Variants in PHF20 observed in about 807,000 individuals in gnomAD.
PHF20 encodes the protein PHD finger protein 20, also known as glioma-expressed antigen 2.
A neutral mutation model predicts 113.5 loss-of-function variants in PHF20; 23 were observed. The observed-to-expected ratio is 0.20, with a 90% CI of 0.15 to 0.29. PHF20 has a LOEUF of 0.29. PHF20 is among the 10% of genes least tolerant of loss of function. The pLI is 1.00. For synonymous variants in PHF20, 434 were observed against 457.3 expected, an observed-to-expected ratio of 0.95 and a Z score of 0.65; for missense variants, 943 against 1,219.6, an observed-to-expected ratio of 0.77 and a Z score of 3.38.
chr20:35,847,453 A>C lies in PHF20; in HGVS notation c.340+19A>C. 2 of 1,548,086 alleles carry C rather than the reference A, an allele frequency of 1.3e-6. No individual in the cohort carries two copies. Among genetic ancestry groups the C allele is most frequent in the Non-Finnish European group, 1.8e-6 (2 of 1,122,490 alleles). ...AAGGATGGTAAGGCATTTGAGTTGT[A>C]GTTGTTTTTACTCATGACTTAGGTG... On this transcript the variant is annotated intron_variant, in intron 4 of 17. Coordinates refer to ENST00000374012, the MANE Select transcript of PHF20 (RefSeq NM_016436.5).
chr20:35,893,900 G>A (rs1056369699), intron 9 of PHF20, among the ~76,000 whole-genome samples: 8 of 152,354 alleles, frequency 5.3e-5, no homozygotes, highest in African/African-American at 1.7e-4. Flanking sequence ...ACAGGCATGA[G>A]CCACTGTGCC....
At chr20:35,908,398 T>C (rs1419798464) in intron 10 of PHF20, among the ~76,000 whole-genome samples, 1 of 152,212 alleles carries the variant, frequency 6.6e-6, no homozygotes, top group African/African-American at 2.4e-5. Flanking sequence ...TGCCCTAGCA[T>C]TGGGCAGTTT....
intron 2 of PHF20, among the ~76,000 whole-genome samples, chr20:35,842,127 C>T (rs567023808): frequency 2.0e-4 from 30 of 152,214 alleles, no homozygotes; most frequent in African/African-American, 5.5e-4. Flanking sequence ...GGGCAGATCA[C>T]CTAAGGTCGG....
chr20:35,870,907 TTTC>T (rs1296709973), intron 7 of PHF20, 45 bp from the exon 8 acceptor site: 4 of 1,414,034 alleles, frequency 2.8e-6, no homozygotes, highest in Non-Finnish European at 9.6e-7. Context: ...AGCACAGTTA[TTTC>T]TTCTTGTTGG....
chr20:35,847,246 C>A, intron 3 of PHF20, 104 bp from the exon 4 acceptor site: 1 of 703,702 alleles, frequency 1.4e-6, no homozygotes, highest in Non-Finnish European at 2.4e-6. Flanking sequence ...TCCCTTCACA[C>A]TTTCTTATCA....
At chr20:35,816,780 T>C (rs938100463) in intron 2 of PHF20, among the ~76,000 whole-genome samples, 1 of 147,028 alleles carries the variant, frequency 6.8e-6, no homozygotes, top group African/African-American at 2.6e-5. Flanking sequence ...AATCCAAAAT[T>C]AAATGAGTTT....
At chr20:35,854,646 G>A (rs6121069) in intron 4 of PHF20, among the ~76,000 whole-genome samples, 2 of 152,130 alleles carry the variant, frequency 1.3e-5, no homozygotes, top group Non-Finnish European at 2.9e-5. Flanking sequence ...GAAGTTAAAA[G>A]GATCAAAGAC....
intron 10 of PHF20, among the ~76,000 whole-genome samples, chr20:35,911,790 C>G (rs991177397): frequency 1.3e-4 from 19 of 151,880 alleles, no homozygotes; most frequent in Non-Finnish European, 2.8e-4. Context: ...TCCCAAGTAG[C>G]TGGGATTACA....
At chr20:35,923,011 A>T (rs887449662) in intron 13 of PHF20, among the ~76,000 whole-genome samples, 2 of 152,192 alleles carry the variant, frequency 1.3e-5, no homozygotes, top group Non-Finnish European at 2.9e-5. Context: ...GCTTCTCAGG[A>T]GGCTGAGGTG....
At chr20:35,943,496 T>TAA (rs376783489) in intron 17 of PHF20, among the ~76,000 whole-genome samples, 18 of 116,014 alleles carry the variant, frequency 1.6e-4, no homozygotes, top group South Asian at 5.2e-4. Context: ...CCCATTTCTT[T>TAA]AAAAAAAAAA....
intron 2 of PHF20, among the ~76,000 whole-genome samples, chr20:35,840,543 G>A (rs997394522): frequency 6.6e-6 from 1 of 152,114 alleles, no homozygotes; most frequent in Non-Finnish European, 1.5e-5. Flanking sequence ...GCCCACAATC[G>A]TAGCTGTGAT....
chr20:35,927,400 G>C (rs542989423), intron 13 of PHF20, among the ~76,000 whole-genome samples: 1 of 152,178 alleles, frequency 6.6e-6, no homozygotes, highest in East Asian at 1.9e-4. Context: ...CAGGAGGAGG[G>C]TAGGAATTGT....
rs1188840301 is a variant in PHF20 at position 35,899,532 on chromosome 20, C to T, written c.1445C>T (p.Ser482Leu). ...HMKYFHGMEK[S>L]LEPEESPGKR... ...AAGTATTTCCATGGAATGGAGAAGT[C>T]ACTGGAGCCAGAAGAGAGCCCGGGA... Residue 482 changes from serine to leucine, a missense_variant, in exon 10 of 18, where the codon TCA becomes TTA. Coordinates refer to ENST00000374012, the MANE Select transcript of PHF20 (RefSeq NM_016436.5). 6.2e-7 allele frequency: 1 copy of T among 1,614,066 alleles called. No homozygotes were observed. Among genetic ancestry groups the T allele is most frequent in the African/African-American group, 1.3e-5 (1 of 74,926 alleles).
intron 2 of PHF20, among the ~76,000 whole-genome samples, chr20:35,815,666 T>C (rs2042060162): frequency 6.6e-6 from 1 of 151,652 alleles, no homozygotes; most frequent in Admixed American, 6.6e-5. Flanking sequence ...AGGGTTTCAC[T>C]GTGTTAGCCA....
chr20:35,812,955 G>T (rs1460965625), intron 2 of PHF20, among the ~76,000 whole-genome samples: 1 of 151,932 alleles, frequency 6.6e-6, no homozygotes, highest in Non-Finnish European at 1.5e-5. Context: ...TCTTCTGTAC[G>T]AACAGCTTTC....
At chr20:35,923,486 C>T (rs1423964511) in intron 13 of PHF20, among the ~76,000 whole-genome samples, 1 of 152,048 alleles carries the variant, frequency 6.6e-6, no homozygotes, top group Non-Finnish European at 1.5e-5. Flanking sequence ...CAAAGAAGCC[C>T]ATTTGAAAGT....
rs574113231 is a variant in PHF20 at position 35,820,684 on chromosome 20, C to G, written c.83+19079C>G. 3.9e-5 allele frequency among the ~76,000 whole-genome samples: 6 copies of G among 152,020 alleles called. No homozygotes were observed. In the South Asian group the frequency reaches 1.2e-3, roughly 32 times the overall value. On this transcript the variant is annotated intron_variant, in intron 2 of 17. Transcript: ENST00000374012. ...CAGGTTAGTCTCGATCTCCTGACCT[C>G]GTGATCTGCCTGCCTCAGCCTCCCA...
Position 35,871,663 on chromosome 20 carries a change from T to C in PHF20, c.1116T>C (p.Ser372=), listed in dbSNP as rs1310883962. The change falls in exon 9 of 18, where the codon TCT becomes TCC. Residue 372 remains serine, a synonymous_variant. Transcript: ENST00000374012. The part of the protein sequence containing the change: ...TKESEEGQLK[S]ALEAGQVSSA... ...TTTTTCTTCTAGGTCAGTTGAAGTC[T>C]GCTTTGGAAGCTGGCCAGGTCTCAT... 1 of 1,596,858 alleles carries C rather than the reference T, an allele frequency of 6.3e-7. No homozygotes were observed. The highest frequency in any genetic ancestry group is 1.1e-5 in the South Asian group (1 of 87,244).
intron 1 of PHF20, among the ~76,000 whole-genome samples, chr20:35,792,037 C>T (rs952539004): frequency 2.0e-5 from 3 of 152,254 alleles, no homozygotes; most frequent in Non-Finnish European, 2.9e-5. Flanking sequence ...CTGATTTAAT[C>T]GACTCATTCT....
Sources: allele counts gnomAD v4.1 joint callset (sites outside exome capture counted in the v4.1 genomes callset), GRCh38; gene constraint gnomAD v4.1.1; transcripts MANE v1.5; gene names NCBI Gene and HGNC (gene_info 2026-07-23, HGNC 2026-07-21).